Variants in DNMT3B observed in about 807,000 individuals in gnomAD.
The protein encoded by DNMT3B is DNA methyltransferase 3 beta.
Under a neutral mutation model 120.2 loss-of-function variants are expected in DNMT3B, and 37 were observed. The ratio of observed to expected loss-of-function variants is 0.31; its 90% CI spans 0.24 to 0.40. The LOEUF (loss-of-function observed/expected upper bound fraction) is 0.40, where lower values mean the gene tolerates loss of function less well. Ranked by LOEUF, DNMT3B falls within the 10% of genes least tolerant of loss-of-function variation. The pLI is 1.00. For synonymous variants in DNMT3B, 412 were observed against 442.8 expected, an observed-to-expected ratio of 0.93 and a Z score of 0.87; for missense variants, 878 against 1,137.3, an observed-to-expected ratio of 0.77 and a Z score of 3.28.
chr20:32,791,140 TA>T (rs1294703988), intron 7 of DNMT3B, among the ~76,000 whole-genome samples: 1 of 152,240 alleles, frequency 6.6e-6, no homozygotes, highest in Non-Finnish European at 1.5e-5. Flanking sequence ...CACTGTTTTC[TA>T]AACACATTCA....
At chr20:32,800,523 A>C (rs2424927) in intron 17 of DNMT3B, among the ~76,000 whole-genome samples, 3,208 of 152,240 alleles carry the variant, frequency 0.021, 111 homozygotes, top group African/African-American at 0.073. Flanking sequence ...CAGTGGCATG[A>C]TCTCAGCTCA....
At chr20:32,795,333 A>C in intron 10 of DNMT3B, 76 bp from the exon 11 acceptor site, 1 of 1,607,466 alleles carries the variant, frequency 6.2e-7, no homozygotes, top group East Asian at 2.2e-5. Context: ...CAGGCATAGC[A>C]TGGTCTTGTC....
At position 32,807,144 on chromosome 20, in the gene DNMT3B, T is replaced by C. The variant is rs577876058; in HGVS notation, c.2421-618T>C. Among the ~76,000 whole-genome samples, 6 of 152,228 alleles carry C rather than the reference T, an allele frequency of 3.9e-5. No individual in the cohort carries two copies. The South Asian group carries it at 1.2e-3, about 32-fold the overall frequency. On this transcript the variant is annotated intron_variant, in intron 22 of 22. Coordinates refer to ENST00000328111, the MANE Select transcript of DNMT3B (RefSeq NM_006892.4). ...GGCCTGAGGTATCACATCTTTGGCA[T>C]GTTTCTGAATAACCCACGCAGCCAT... is the stretch of plus-strand genomic sequence containing the variant.
chr20:32,803,118 C>T (rs977355558), intron 20 of DNMT3B, among the ~76,000 whole-genome samples: 2 of 152,206 alleles, frequency 1.3e-5, no homozygotes, highest in Non-Finnish European at 2.9e-5. Flanking sequence ...CCCTCAGATT[C>T]TCATCACCAG....
At position 32,784,164 on chromosome 20, in the gene DNMT3B, G is replaced by A. The variant is rs112259164; in HGVS notation, c.205-594G>A. 3.3e-5 allele frequency among the ~76,000 whole-genome samples: 5 copies of A among 152,186 alleles called. No individual in the cohort carries two copies. In the East Asian group the frequency reaches 5.8e-4, roughly 18 times the overall value. ...ACTCCTGACCTCAGGTGATCCACCC[G>A]CGTCGGCCTCCCAAAGTGTTGGGAT... On this transcript the variant is annotated intron_variant, in intron 3 of 22. Coordinates refer to ENST00000328111, the MANE Select transcript of DNMT3B (RefSeq NM_006892.4).
intron 4 of DNMT3B, among the ~76,000 whole-genome samples, chr20:32,785,336 G>A (rs563345023): frequency 3.1e-4 from 47 of 152,234 alleles, no homozygotes; most frequent in African/African-American, 1.1e-3. Context: ...CACTGCGCCC[G>A]GCTGGAAGGT....
At chr20:32,798,727 A>G in intron 15 of DNMT3B, 84 bp downstream of exon 15, 1 of 1,587,786 alleles carries the variant, frequency 6.3e-7, no homozygotes, top group South Asian at 1.1e-5. Flanking sequence ...AGAAAGAGTA[A>G]TAGAAGTAAA....
At chr20:32,762,913 G>A (rs551617830) in intron 1 of DNMT3B, among the ~76,000 whole-genome samples, 1 of 152,166 alleles carries the variant, frequency 6.6e-6, no homozygotes, top group Non-Finnish European at 1.5e-5. Context: ...ACAGCGGGTG[G>A]GACGCGGGGG....
At chr20:32,782,979 A>G (rs1179183619) in intron 3 of DNMT3B, among the ~76,000 whole-genome samples, 6 of 152,156 alleles carry the variant, frequency 3.9e-5, no homozygotes, top group Admixed American at 2.6e-4. Flanking sequence ...CTGGAGTGCA[A>G]TGGCATGATC....
intron 1 of DNMT3B, among the ~76,000 whole-genome samples, chr20:32,767,698 T>A (rs1185395581): frequency 6.6e-6 from 1 of 152,222 alleles, no homozygotes; most frequent in Non-Finnish European, 1.5e-5. Context: ...TCTCCGAAAG[T>A]GCTGGGACTA....
At chr20:32,781,294 C>A in intron 2 of DNMT3B, 59 bp from the exon 3 acceptor site, 1 of 1,593,272 alleles carries the variant, frequency 6.3e-7, no homozygotes, top group Non-Finnish European at 8.6e-7. Context: ...ATTAGCAAGG[C>A]CGTTCCCCAG....
rs148646143 is a variant in DNMT3B at position 32,795,501 on chromosome 20, G to A, written c.1219G>A (p.Gly407Ser). 348 of 1,613,990 alleles carry A rather than the reference G, an allele frequency of 2.2e-4. No homozygotes were observed. The highest frequency in any genetic ancestry group is 1.3e-3 in the Middle Eastern group (8 of 6,084). The change falls in exon 11 of 23, where the codon GGC becomes AGC. Residue 407 changes from glycine to serine, a missense_variant. Gly to Ser is a moderately conservative substitution (Grantham distance 56). Transcript: ENST00000328111. ...KRLKTNCYNN[G>S]KDRGDEDQSR... The stretch of plus-strand genomic sequence containing the variant: ...CCTCAAGACAAATTGCTATAACAAC[G>A]GCAAAGACCGAGGGGATGAAGATCA...
intron 10 of DNMT3B, 28 bp from the exon 11 acceptor site, chr20:32,795,381 A>T: frequency 6.2e-7 from 1 of 1,613,668 alleles, no homozygotes; most frequent in Admixed American, 1.7e-5. Context: ...CTACCAAGCC[A>T]CGGCTGCAGT....
chr20:32,794,372 CAGAAACAAAAA>C (rs1980365542), intron 10 of DNMT3B, among the ~76,000 whole-genome samples: 1 of 129,790 alleles, frequency 7.7e-6, no homozygotes, highest in South Asian at 2.4e-4. Flanking sequence ...AAAACCAAAA[CAGAAACAAAAA>C]AGAAAGAAAA....
chr20:32,773,757 G>A (rs1379201144), intron 1 of DNMT3B, among the ~76,000 whole-genome samples: 10 of 151,642 alleles, frequency 6.6e-5, no homozygotes, highest in African/African-American at 2.2e-4. Flanking sequence ...GACTACAGGC[G>A]AGTAGCTAGG....
At chr20:32,790,099 T>C (rs1423750127) in intron 7 of DNMT3B, among the ~76,000 whole-genome samples, 1 of 152,228 alleles carries the variant, frequency 6.6e-6, no homozygotes, top group Non-Finnish European at 1.5e-5. Flanking sequence ...TTCCCAGGAA[T>C]TGAGCTACCA....
rs2038591026 is a variant in DNMT3B, at chr20:32,797,306, A to G, written c.1490+7A>G. The G allele has an allele frequency of 6.2e-7, 1 of 1,613,668 alleles. No homozygotes were observed. The highest frequency in any genetic ancestry group is 1.3e-5 in the African/African-American group (1 of 74,928). On this transcript the variant is annotated splice_region_variant and intron_variant, in intron 14 of 22. Transcript: ENST00000328111. ...GCAACACGAGCTGCTGCCGGTGAGC[A>G]CTGGGCCCTGTGGGGTGGATGTGGG...
intron 19 of DNMT3B, 32 bp from the exon 20 acceptor site, chr20:32,802,353 G>A (rs1303943926): frequency 1.9e-6 from 3 of 1,608,340 alleles, no homozygotes; most frequent in Non-Finnish European, 2.6e-6. Context: ...CTAATAATAG[G>A]CTCCTAACAG....
chr20:32,785,647 G>A lies in DNMT3B; in HGVS notation c.306+788G>A, dbSNP rs181550506. On this transcript the variant is annotated intron_variant, in intron 4 of 22. Coordinates refer to ENST00000328111, the MANE Select transcript of DNMT3B (RefSeq NM_006892.4). ...TGTATCATCCCCTTTGTGGAGATGA[G>A]AGAAGATTCCAGCAACTTAACTGAG... Among the ~76,000 whole-genome samples the A allele has an allele frequency of 2.9e-4, 44 of 152,276 alleles. 1 individual carries two copies. The highest frequency in any genetic ancestry group is 9.9e-4 in the African/African-American group (41 of 41,554).
Sources: gnomAD v4.1 joint callset for allele counts (sites outside exome capture counted in the v4.1 genomes callset) on GRCh38, gnomAD v4.1.1 for gene constraint, MANE v1.5 for transcripts, NCBI Gene and HGNC (gene_info 2026-07-23, HGNC 2026-07-21) for gene names.